The following ERBB4 variants were observed in gnomAD, a reference collection of about 807,000 sequenced individuals.
The protein encoded by ERBB4 is erb-b2 receptor tyrosine kinase 4.
A neutral mutation model predicts 158.0 loss-of-function variants in ERBB4; 42 were observed. The observed-to-expected ratio is 0.27, with a 90% CI of 0.21 to 0.34. ERBB4 has a LOEUF of 0.34. Among genes scored for constraint, ERBB4 ranks in the 10% least tolerant of loss-of-function variants. The probability of loss-of-function intolerance (pLI) is 1.00; values close to 1 mark genes in which losing one functional copy is unlikely to be tolerated. For synonymous variants in ERBB4, 583 were observed against 558.7 expected, an observed-to-expected ratio of 1.04 and a Z score of -0.61; for missense variants, 1,333 against 1,624.1, an observed-to-expected ratio of 0.82 and a Z score of 3.08.
chr2:212,291,512 C>G lies in ERBB4; in HGVS notation c.83-166609G>C, dbSNP rs150914628. 2.8e-4 allele frequency among the ~76,000 whole-genome samples: 43 copies of G among 152,142 alleles called. 1 individual carries two copies. The highest frequency in any genetic ancestry group is 9.4e-4 in the African/African-American group (39 of 41,550). The stretch of plus-strand genomic sequence containing the variant: ...ATTTGTGCAAGGATGATAAAACATG[C>G]TTTAATTGTGTAGTTGCATCACAGG... On this transcript the variant is annotated intron_variant, in intron 1 of 27. Coordinates refer to ENST00000342788, the MANE Select transcript of ERBB4 (RefSeq NM_005235.3).
At position 211,381,398 on chromosome 2, in the gene ERBB4, G is replaced by T. The variant is rs905558912; in HGVS notation, c.*2217C>A. 2 of 232,046 alleles carry T rather than the reference G, an allele frequency of 8.6e-6. No homozygotes were observed. Among genetic ancestry groups the T allele is most frequent in the Non-Finnish European group, 1.7e-5 (2 of 117,342 alleles). 14.4% of individuals were successfully genotyped at this position (232,046 alleles called of 1,614,324 possible). A position where few individuals can be genotyped will look rare whatever the true frequency, so the allele number is the denominator to read the frequency against. On this transcript the variant is annotated 3_prime_UTR_variant, in exon 28 of 28. Transcript: ENST00000342788. ...TGAATAATATTATTGAAATTATCCT[G>T]TTTGTCAACATCAACAATTTGAAGG...
chr2:212,189,279 A>G (rs1301934993), intron 1 of ERBB4, among the ~76,000 whole-genome samples: 2 of 152,084 alleles, frequency 1.3e-5, no homozygotes, highest in Non-Finnish European at 2.9e-5. Context: ...ATTATTAGTG[A>G]CTTATTCACT....
intron 1 of ERBB4, among the ~76,000 whole-genome samples, chr2:212,443,034 G>A (rs953001046): frequency 2.6e-5 from 4 of 152,230 alleles, no homozygotes; most frequent in African/African-American, 9.6e-5. Context: ...TTCATTGCTT[G>A]AGCAAATTAA....
At chr2:212,358,457 CCATT>C (rs2089551049) in intron 1 of ERBB4, among the ~76,000 whole-genome samples, 1 of 151,466 alleles carries the variant, frequency 6.6e-6, no homozygotes, top group Non-Finnish European at 1.5e-5. Flanking sequence ...AAAAAGTGTG[CCATT>C]CAAATAGCTG....
intron 3 of ERBB4, among the ~76,000 whole-genome samples, chr2:211,850,638 G>A (rs1320040357): frequency 4.0e-5 from 6 of 151,770 alleles, no homozygotes; most frequent in Non-Finnish European, 8.8e-5. Context: ...TTTCAGCTGG[G>A]GGAGCTGTCA....
intron 16 of ERBB4, among the ~76,000 whole-genome samples, chr2:211,637,360 T>A (rs1171446313): frequency 6.6e-6 from 1 of 151,952 alleles, no homozygotes; most frequent in African/African-American, 2.4e-5. Flanking sequence ...GTTTTCAATA[T>A]TTTCTTAATT....
At position 212,538,695 on chromosome 2, in the gene ERBB4, C is replaced by T. The variant is rs1454126326; in HGVS notation, c.-165G>A. On this transcript the variant is annotated 5_prime_UTR_variant, in exon 1 of 28. Transcript: ENST00000342788. ...CTCCCAGGGCGGGCGACCGAGTCCGCGCCCGCGGGTCCAGGGCCGGGGCCC... is the reference window on the plus strand; with the variant it reads ...CTCCCAGGGCGGGCGACCGAGTCCGTGCCCGCGGGTCCAGGGCCGGGGCCC... 5 of 488,904 alleles carry T rather than the reference C, an allele frequency of 1.0e-5. No individual in the cohort carries two copies. Among genetic ancestry groups the T allele is most frequent in the Non-Finnish European group, 3.4e-6 (1 of 293,566 alleles). The allele number at this position is 488,904 out of a possible 1,614,324, so 30.3% of individuals were successfully genotyped here. A position where few individuals can be genotyped will look rare whatever the true frequency, so the allele number is the denominator to read the frequency against.
At chr2:211,516,444 G>C (rs2066036179) in intron 20 of ERBB4, among the ~76,000 whole-genome samples, 1 of 150,254 alleles carries the variant, frequency 6.7e-6, no homozygotes, top group South Asian at 2.1e-4. Flanking sequence ...AGCGATTCTT[G>C]TACCTCAGCC....
intron 1 of ERBB4, among the ~76,000 whole-genome samples, chr2:212,289,560 A>G (rs1034120111): frequency 6.6e-6 from 1 of 152,142 alleles, no homozygotes. Context: ...TCTGGTGTCT[A>G]TTAACATAGT....
intron 19 of ERBB4, among the ~76,000 whole-genome samples, chr2:211,580,883 A>ATT (rs2068077908): frequency 2.8e-4 from 1 of 3,602 alleles, no homozygotes; most frequent in Admixed American, 3.7e-3. Flanking sequence ...ATATATATAT[A>ATT]TATATATATA....
intron 3 of ERBB4, among the ~76,000 whole-genome samples, chr2:211,794,344 T>C (rs1249748926): frequency 6.6e-6 from 1 of 151,884 alleles, no homozygotes; most frequent in Non-Finnish European, 1.5e-5. Context: ...TTATCTGACA[T>C]AGAGCAAATG....
intron 1 of ERBB4, among the ~76,000 whole-genome samples, chr2:212,515,419 T>C (rs1043373144): frequency 3.3e-5 from 5 of 151,980 alleles, no homozygotes; most frequent in Admixed American, 3.3e-4. Flanking sequence ...AGTGTTAAAT[T>C]TAAAAAAGAT....
chr2:212,416,417 C>T (rs113175714), intron 1 of ERBB4, among the ~76,000 whole-genome samples: 1,983 of 152,164 alleles, frequency 0.013, 15 homozygotes, highest in Middle Eastern at 0.038. Flanking sequence ...TGAAAAGATG[C>T]AACCCGTACT....
chr2:211,733,129 T>G (rs1346301855), intron 5 of ERBB4, among the ~76,000 whole-genome samples: 1 of 152,192 alleles, frequency 6.6e-6, no homozygotes, highest in African/African-American at 2.4e-5. Context: ...TCTAATCCAT[T>G]CCTTATCACC....
chr2:211,813,788 T>C (rs1468091729), intron 3 of ERBB4, among the ~76,000 whole-genome samples: 3 of 152,104 alleles, frequency 2.0e-5, no homozygotes, highest in South Asian at 2.1e-4. Flanking sequence ...AAATCTGATA[T>C]ACTTGAAAAT....
intron 19 of ERBB4, among the ~76,000 whole-genome samples, chr2:211,573,254 T>C (rs1410709823): frequency 1.3e-5 from 2 of 152,200 alleles, no homozygotes; most frequent in African/African-American, 2.4e-5. Flanking sequence ...GCAAGGAATG[T>C]ATTTTTCCCT....
chr2:211,547,822 G>A (rs2066982425), intron 20 of ERBB4, among the ~76,000 whole-genome samples: 1 of 151,878 alleles, frequency 6.6e-6, no homozygotes, highest in Admixed American at 6.6e-5. Flanking sequence ...AAGAAATTAA[G>A]TTCTTTACTT....
intron 3 of ERBB4, among the ~76,000 whole-genome samples, chr2:211,872,457 A>G (rs149366317): frequency 3.3e-4 from 51 of 152,286 alleles, no homozygotes; most frequent in African/African-American, 1.2e-3. Flanking sequence ...AATTTTTCTG[A>G]CAGTCTTGTC....
intron 20 of ERBB4, among the ~76,000 whole-genome samples, chr2:211,455,450 CT>C (rs1228804050): frequency 6.6e-5 from 10 of 152,152 alleles, no homozygotes; most frequent in African/African-American, 2.4e-4. Context: ...GTTCAGCTGC[CT>C]TTTGTTTGGT....
Sources: gnomAD v4.1 joint callset for allele counts (sites outside exome capture counted in the v4.1 genomes callset) on GRCh38, gnomAD v4.1.1 for gene constraint, MANE v1.5 for transcripts, NCBI Gene and HGNC (gene_info 2026-07-23, HGNC 2026-07-21) for gene names.